Variants in HPGD observed in about 807,000 individuals in gnomAD.
HPGD encodes 15-hydroxyprostaglandin dehydrogenase [NAD(+)].
A neutral mutation model predicts 30.0 loss-of-function variants in HPGD; 29 were observed. That is an observed-to-expected ratio of 0.97 (90% CI 0.72 to 1.32). The LOEUF (loss-of-function observed/expected upper bound fraction) is 1.32. Among genes scored for constraint, HPGD ranks in the 40% most tolerant of loss-of-function variants. HPGD has a pLI of 0.00. For synonymous variants in HPGD, 99 were observed against 112.4 expected, an observed-to-expected ratio of 0.88 and a Z score of 0.75; for missense variants, 340 against 322.1, an observed-to-expected ratio of 1.06 and a Z score of -0.43.
chr4:174,496,707 G>C lies in HPGD; in HGVS notation c.422-1083C>G, dbSNP rs1032711611. 6.6e-6 allele frequency among the ~76,000 whole-genome samples: 1 copy of C among 152,144 alleles called. No homozygotes were observed. Among genetic ancestry groups the C allele is most frequent in the Non-Finnish European group, 1.5e-5 (1 of 68,032 alleles). On this transcript the variant is annotated intron_variant, in intron 4 of 6. Coordinates refer to ENST00000296522, the MANE Select transcript of HPGD (RefSeq NM_000860.6). This position sits in a 1 kb window ranked among gnomAD's most constrained non-coding sequence, Gnocchi z 4.6. ...ATACCAAATTATTCTGCTGAGACAT[G>C]CTCATCTCCACCCAGCTAACTATTC...
chr4:174,504,768 G>A (rs1735100538), intron 4 of HPGD, among the ~76,000 whole-genome samples: 1 of 152,038 alleles, frequency 6.6e-6, no homozygotes, highest in Non-Finnish European at 1.5e-5. Flanking sequence ...AGCCGAGATC[G>A]CGCCATTGCA....
rs886059251 is a variant in HPGD, at chr4:174,491,708, T to A, written c.*248A>T. 1 of 439,286 alleles carries A rather than the reference T, an allele frequency of 2.3e-6. No homozygotes were observed. Among genetic ancestry groups the A allele is most frequent in the Non-Finnish European group, 4.1e-6 (1 of 241,142 alleles). The allele number at this position is 439,286 out of a possible 1,614,324, so 27.2% of individuals were successfully genotyped here. A position where few individuals can be genotyped will look rare whatever the true frequency, so the allele number is the denominator to read the frequency against. On this transcript the variant is annotated 3_prime_UTR_variant, in exon 7 of 7. Transcript: ENST00000296522. ...CAGAATATTGAATATTCCTTGAAAATCATTTGTTTTGATCATTTTTTAGAC... is the reference window on the plus strand; with the variant it reads ...CAGAATATTGAATATTCCTTGAAAAACATTTGTTTTGATCATTTTTTAGAC...
chr4:174,515,750 T>C (rs1288390714), intron 3 of HPGD, among the ~76,000 whole-genome samples: 5 of 151,934 alleles, frequency 3.3e-5, no homozygotes, highest in African/African-American at 1.2e-4. Context: ...ATACAGATTA[T>C]ATAAGGAACT....
intron 4 of HPGD, among the ~76,000 whole-genome samples, chr4:174,502,441 G>A (rs1734949407): frequency 6.6e-6 from 1 of 152,050 alleles, no homozygotes; most frequent in South Asian, 2.1e-4. Flanking sequence ...CACTTTGGGA[G>A]GCCGAGGTGG....
At chr4:174,513,850 A>C (rs1269178943) in intron 3 of HPGD, among the ~76,000 whole-genome samples, 1 of 152,034 alleles carries the variant, frequency 6.6e-6, no homozygotes, top group Non-Finnish European at 1.5e-5. Context: ...CTTTAAAAAA[A>C]ATTTAAAAAT....
intron 2 of HPGD, among the ~76,000 whole-genome samples, chr4:174,521,490 A>G (rs1736117037): frequency 6.6e-6 from 1 of 152,224 alleles, no homozygotes; most frequent in South Asian, 2.1e-4. Context: ...CACTTCTGTG[A>G]TGATGCTCCT....
intron 3 of HPGD, among the ~76,000 whole-genome samples, chr4:174,517,600 A>G (rs1259576164): frequency 6.6e-6 from 1 of 152,194 alleles, no homozygotes; most frequent in Non-Finnish European, 1.5e-5. Flanking sequence ...TGAATTTCAT[A>G]TAATCATATT....
At chr4:174,509,937 T>C (rs1735394923) in intron 3 of HPGD, among the ~76,000 whole-genome samples, 1 of 151,500 alleles carries the variant, frequency 6.6e-6, no homozygotes, top group Non-Finnish European at 1.5e-5. Flanking sequence ...AAAAAAAACC[T>C]GTGTGATCAA....
intron 2 of HPGD, among the ~76,000 whole-genome samples, chr4:174,521,311 AT>A (rs1218310400): frequency 1.9e-4 from 29 of 152,090 alleles, no homozygotes; most frequent in Non-Finnish European, 7.4e-5. Context: ...AGATTGGTCT[AT>A]TTTAAGTGAG....
At chr4:174,508,929 G>T in intron 3 of HPGD, 137 bp from the exon 4 acceptor site, 2 of 673,846 alleles carry the variant, frequency 3.0e-6, no homozygotes, top group Non-Finnish European at 5.4e-6. Context: ...TTTTAAAAGA[G>T]CTTTGTTTTT....
At position 174,492,669 on chromosome 4, in the gene HPGD, T is replaced by C. The variant is rs1298966881; in HGVS notation, c.662+482A>G. Among the ~76,000 whole-genome samples, 1 of 152,066 alleles carries C rather than the reference T, an allele frequency of 6.6e-6. No individual in the cohort carries two copies. Among genetic ancestry groups the C allele is most frequent in the Non-Finnish European group, 1.5e-5 (1 of 67,920 alleles). On this transcript the variant is annotated intron_variant, in intron 6 of 6. Transcript: ENST00000296522. The surrounding 1 kb of genome is among the most constrained non-coding windows in gnomAD (Gnocchi z 4.9). ...TCATGGTTAGTGGTAGAGCCAAGAT[T>C]TGATCTCAGGTCTGATTCCTTCAAC...
intron 5 of HPGD, 68 bp downstream of exon 5, chr4:174,495,480 C>T: frequency 1.7e-6 from 2 of 1,189,072 alleles, no homozygotes; most frequent in African/African-American, 1.5e-5. Flanking sequence ...TGATTCCTCT[C>T]TACAGAATTC....
chr4:174,501,050 C>T (rs745767526), intron 4 of HPGD, among the ~76,000 whole-genome samples: 27 of 152,124 alleles, frequency 1.8e-4, no homozygotes, highest in Non-Finnish European at 3.5e-4. Context: ...ACAGGCTCTA[C>T]AGAAGTAAAT....
chr4:174,509,218 T>C (rs1326831237), intron 3 of HPGD, among the ~76,000 whole-genome samples: 2 of 152,230 alleles, frequency 1.3e-5, no homozygotes, highest in East Asian at 1.9e-4. Context: ...TTTAATTCTC[T>C]TGGATCTTGG....
chr4:174,498,637 G>A (rs186805931), intron 4 of HPGD, among the ~76,000 whole-genome samples: 2 of 152,188 alleles, frequency 1.3e-5, no homozygotes, highest in African/African-American at 4.8e-5. Context: ...TAGCTGTTTT[G>A]AGATTCATCC....
rs1182247220 is a variant in HPGD, at chr4:174,491,357, ACTTT to A, written c.*595_*598del. ...TGTGAATCAACAGTGTCAATCAGTT[ACTTT>A]CTGTCATTTTTCCATACAGCAGTTT... is the stretch of plus-strand genomic sequence containing the variant. On this transcript the variant is annotated 3_prime_UTR_variant, in exon 7 of 7. Coordinates refer to ENST00000296522, the MANE Select transcript of HPGD (RefSeq NM_000860.6). 6.5e-6 allele frequency: 1 copy of A among 152,924 alleles called. No homozygotes were observed. 9.5% of individuals were successfully genotyped at this position (152,924 alleles called of 1,614,324 possible). A position where few individuals can be genotyped will look rare whatever the true frequency, so the allele number is the denominator to read the frequency against.
chr4:174,491,721 TC>T lies in HPGD; in HGVS notation c.*234del. The T allele has an allele frequency of 2.1e-6, 1 of 470,020 alleles. No homozygotes were observed. The highest frequency in any genetic ancestry group is 2.7e-5 in the South Asian group (1 of 36,948). The allele number at this position is 470,020 out of a possible 1,614,324, so 29.1% of individuals were successfully genotyped here. ...ATTCCTTGAAAATCATTTGTTTTGA[TC>T]ATTTTTTAGACTATCAAGATTACAA... On this transcript the variant is annotated 3_prime_UTR_variant, in exon 7 of 7. Coordinates refer to ENST00000296522, the MANE Select transcript of HPGD (RefSeq NM_000860.6).
chr4:174,518,577 C>T (rs1012336430), intron 2 of HPGD, among the ~76,000 whole-genome samples: 6 of 152,148 alleles, frequency 3.9e-5, no homozygotes, highest in Non-Finnish European at 7.4e-5. Context: ...CTTGTGTATT[C>T]AGATCTATTA....
At chr4:174,515,309 A>G (rs2110861109) in intron 3 of HPGD, among the ~76,000 whole-genome samples, 1 of 152,276 alleles carries the variant, frequency 6.6e-6, no homozygotes, top group South Asian at 2.1e-4. Flanking sequence ...TGGTACAAAA[A>G]CAGATATATA....
Sources: allele counts gnomAD v4.1 joint callset (sites outside exome capture counted in the v4.1 genomes callset), GRCh38; gene constraint gnomAD v4.1.1; non-coding constraint Gnocchi (gnomAD v3.1); transcripts MANE v1.5; gene names NCBI Gene and HGNC (gene_info 2026-07-23, HGNC 2026-07-21).